CCDC93: variants seen among roughly 807,000 people sequenced by gnomAD.
CCDC93 encodes CCC complex scaffolding subunit CCDC93.
Under a neutral mutation model 108.2 loss-of-function variants are expected in CCDC93, and 61 were observed. That is an observed-to-expected ratio of 0.56 (90% confidence interval 0.46 to 0.70). The LOEUF (loss-of-function observed/expected upper bound fraction) is 0.70, where lower values mean the gene tolerates loss of function less well. Ranked by LOEUF, CCDC93 falls within the 30% of genes least tolerant of loss-of-function variation. The pLI, the probability that CCDC93 is intolerant of heterozygous loss-of-function variation, is 0.00. For missense variants in CCDC93, 685 were observed against 764.2 expected (o/e 0.90, Z 1.22); for synonymous variants, 276 against 260.4 (o/e 1.06, Z -0.58).
In CCDC93 at chr2:117,928,917, A is replaced by C. The variant is rs539978692; in HGVS notation, c.1842+2120T>G. Among the ~76,000 whole-genome samples, 3 of 152,368 alleles carry C rather than the reference A, an allele frequency of 2.0e-5. No homozygotes were observed. In the South Asian group the frequency reaches 6.2e-4, roughly 32 times the overall value. On this transcript the variant is annotated intron_variant, in intron 23 of 23. Transcript: ENST00000376300. ...AAATGTGGCACATATACACCACGGA[A>C]TACTATGCAGCCATAAAAAAGGATG...
At chr2:118,000,095 G>A (rs2104821488) in intron 4 of CCDC93, 1 of 152,174 alleles carries the variant, frequency 6.6e-6, no homozygotes, top group East Asian at 1.9e-4. Context: ...GGTAGGTACT[G>A]GAAACAAAGC....
At chr2:117,925,496 A>C (rs1208417729) in intron 23 of CCDC93, among the ~76,000 whole-genome samples, 5 of 152,256 alleles carry the variant, frequency 3.3e-5, no homozygotes, top group Admixed American at 6.5e-5. Context: ...AACAGACTTT[A>C]AACCGACAAA....
intron 12 of CCDC93, among the ~76,000 whole-genome samples, chr2:117,953,063 T>C (rs1679111030): frequency 6.6e-6 from 1 of 152,262 alleles, no homozygotes; most frequent in African/African-American, 2.4e-5. Context: ...TATCAACTTT[T>C]AGAAATTTGA....
chr2:117,972,471 T>C (rs1307921812), intron 11 of CCDC93, among the ~76,000 whole-genome samples: 1 of 152,152 alleles, frequency 6.6e-6, no homozygotes, highest in African/African-American at 2.4e-5. Context: ...TTAGGAGTCC[T>C]AGGCAGGGAA....
At chr2:118,002,668 A>T (rs1676740240) in intron 3 of CCDC93, among the ~76,000 whole-genome samples, 1 of 152,128 alleles carries the variant, frequency 6.6e-6, no homozygotes, top group African/African-American at 2.4e-5. Context: ...GGAAGCATAT[A>T]GGAGAATATT....
At chr2:117,951,345 A>G (rs571517746) in intron 13 of CCDC93, 1 of 985,416 alleles carries the variant, frequency 1.0e-6, no homozygotes, top group South Asian at 4.7e-5. Flanking sequence ...AACAATGAGA[A>G]AAAAATTATT....
chr2:117,925,510 C>T (rs1346142435), intron 23 of CCDC93, among the ~76,000 whole-genome samples: 1 of 152,080 alleles, frequency 6.6e-6, no homozygotes, highest in Non-Finnish European at 1.5e-5. Flanking sequence ...CGACAAAGAT[C>T]AAAAGACACA....
rs1460918293 is a variant in CCDC93 at position 117,918,994 on chromosome 2, G to A, written c.*1349C>T. Reference sequence around the variant, plus strand: ...TGGCTGCTGAATGCCCCACTTGCTTGACATGTTTAAGCTTTTGTGTTACTG... The same window carrying A: ...TGGCTGCTGAATGCCCCACTTGCTTAACATGTTTAAGCTTTTGTGTTACTG... On this transcript the variant is annotated 3_prime_UTR_variant, in exon 24 of 24. Coordinates refer to ENST00000376300, the MANE Select transcript of CCDC93 (RefSeq NM_019044.5). 1.3e-5 allele frequency: 2 copies of A among 152,192 alleles called. No individual in the cohort carries two copies. The highest frequency in any genetic ancestry group is 4.8e-5 in the African/African-American group (2 of 41,448). The allele number at this position is 152,192 out of a possible 1,614,324, so 9.4% of individuals were successfully genotyped here. A position where few individuals can be genotyped will look rare whatever the true frequency, so the allele number is the denominator to read the frequency against.
intron 21 of CCDC93, 111 bp downstream of exon 21, chr2:117,936,591 G>GTTAA: frequency 1.2e-6 from 1 of 858,432 alleles, no homozygotes. Context: ...CATACCCAGT[G>GTTAA]TTAAGTCTTG....
At chr2:117,989,977 A>G (rs1325142164) in intron 6 of CCDC93, among the ~76,000 whole-genome samples, 2 of 152,238 alleles carry the variant, frequency 1.3e-5, no homozygotes, top group Non-Finnish European at 2.9e-5. Flanking sequence ...CTTTCCAACT[A>G]GTCTGGAAGC....
chr2:117,923,720 C>G (rs906848507), intron 23 of CCDC93, among the ~76,000 whole-genome samples: 2 of 152,048 alleles, frequency 1.3e-5, no homozygotes, highest in Non-Finnish European at 2.9e-5. Flanking sequence ...CATAGCCAAA[C>G]AAAAGGCAGC....
rs781279120 is a variant in CCDC93, at chr2:117,936,744, G to T, written c.1606-5C>A. 8.1e-6 allele frequency: 13 copies of T among 1,612,496 alleles called. No homozygotes were observed. In the Admixed American group the frequency reaches 2.0e-4, roughly 25 times the overall value. On this transcript the variant is annotated splice_polypyrimidine_tract_variant and splice_region_variant and intron_variant, in intron 20 of 23. Coordinates refer to ENST00000376300, the MANE Select transcript of CCDC93 (RefSeq NM_019044.5). ...AATTGAGTTCAGCAGACTAATCTGG[G>T]GAAGTAAAAAAACAAACGAAATTAT... is the stretch of plus-strand genomic sequence containing the variant.
chr2:117,992,219 G>T (rs1164520043), intron 6 of CCDC93, among the ~76,000 whole-genome samples: 3 of 151,992 alleles, frequency 2.0e-5, no homozygotes, highest in Non-Finnish European at 2.9e-5. Flanking sequence ...TATAACCAGG[G>T]ACTCACAATT....
intron 1 of CCDC93, among the ~76,000 whole-genome samples, chr2:118,011,322 G>T (rs1677015045): frequency 6.6e-6 from 1 of 152,138 alleles, no homozygotes; most frequent in Non-Finnish European, 1.5e-5. Flanking sequence ...GGAGTGGCGT[G>T]GGGGAGGTGA....
intron 7 of CCDC93, among the ~76,000 whole-genome samples, chr2:117,978,724 G>A (rs1048131927): frequency 1.3e-5 from 2 of 152,104 alleles, no homozygotes; most frequent in Admixed American, 6.6e-5. Context: ...TGAGCCAGGC[G>A]CGCTGGCTCA....
intron 6 of CCDC93, among the ~76,000 whole-genome samples, chr2:117,992,687 T>TG (rs1285454830): frequency 6.6e-6 from 1 of 152,086 alleles, no homozygotes; most frequent in East Asian, 1.9e-4. Context: ...ATATATAACC[T>TG]ACCTGTGTTT....
At chr2:117,934,111 A>C in intron 22 of CCDC93, 1 of 152,200 alleles carries the variant, frequency 6.6e-6, no homozygotes, top group South Asian at 2.1e-4. Context: ...TTTGGCTCAT[A>C]GTCAACAACA....
rs954205456 is a variant in CCDC93, at chr2:118,013,877, C to A, written c.42+77G>T. 5.2e-6 allele frequency: 7 copies of A among 1,354,008 alleles called. No homozygotes were observed. In the African/African-American group the frequency reaches 8.9e-5, roughly 17 times the overall value. The allele number at this position is 1,354,008 out of a possible 1,614,324, so 83.9% of individuals were successfully genotyped here. ...GGGCGCCCCTAACGCACCCAGGGCC[C>A]GCTCAGCCCGCCGCCCCGCGGCTCG... On this transcript the variant is annotated intron_variant, in intron 1 of 23. Transcript: ENST00000376300.
At chr2:117,968,528 T>A (rs1679661006) in intron 11 of CCDC93, among the ~76,000 whole-genome samples, 1 of 152,170 alleles carries the variant, frequency 6.6e-6, no homozygotes, top group African/African-American at 2.4e-5. Context: ...TTCTTCACAT[T>A]CCTCTTTCTG....
Sources: allele counts gnomAD v4.1 joint callset (sites outside exome capture counted in the v4.1 genomes callset), GRCh38; gene constraint gnomAD v4.1.1; transcripts MANE v1.5; gene names NCBI Gene and HGNC (gene_info 2026-07-23, HGNC 2026-07-21).